Variants in NFS1 observed in about 807,000 individuals in gnomAD.
The protein encoded by NFS1 is NFS1 cysteine desulfurase.
NFS1 carries 26 observed loss-of-function variants against 57.3 expected under a neutral mutation model. The ratio of observed to expected loss-of-function variants is 0.45; its 90% CI spans 0.33 to 0.63. The LOEUF is 0.63. Ranked by LOEUF, NFS1 falls within the 20% of genes least tolerant of loss-of-function variation. The probability of loss-of-function intolerance (pLI) is 0.02; values close to 1 mark genes in which losing one functional copy is unlikely to be tolerated. For missense variants in NFS1, 505 were observed against 605.8 expected, an observed-to-expected ratio of 0.83 and a Z score of 1.75; for synonymous variants, 209 against 216.3, an observed-to-expected ratio of 0.97 and a Z score of 0.30.
intron 5 of NFS1, among the ~76,000 whole-genome samples, chr20:35,687,538 C>G (rs1275890423): frequency 1.1e-4 from 17 of 152,148 alleles, no homozygotes; most frequent in Admixed American, 1.0e-3. Context: ...CTTACCCTGC[C>G]CCTTTGTCTT....
intron 5 of NFS1, among the ~76,000 whole-genome samples, chr20:35,688,508 GA>G (rs2034984171): frequency 6.6e-6 from 1 of 152,170 alleles, no homozygotes; most frequent in Non-Finnish European, 1.5e-5. Flanking sequence ...AGTGAGCCAA[GA>G]TCGTGCCACT....
At chr20:35,679,337 C>T (rs1309243713) in intron 7 of NFS1, among the ~76,000 whole-genome samples, 6 of 152,120 alleles carry the variant, frequency 3.9e-5, no homozygotes, top group African/African-American at 1.4e-4. Flanking sequence ...GCACATGCCA[C>T]CACACCCGGC....
Position 35,669,572 on chromosome 20 carries a change from T to G in NFS1, c.*50A>C. The G allele has an allele frequency of 6.4e-7, 1 of 1,555,892 alleles. No individual in the cohort carries two copies. The highest frequency in any genetic ancestry group is 8.9e-7 in the Non-Finnish European group (1 of 1,127,108). On this transcript the variant is annotated 3_prime_UTR_variant, in exon 13 of 13. Transcript: ENST00000374092. ...AACAAGGTGTCTGGTTGTGCACGGG[T>G]TGGTGAGGCAGGAGGGGCCAGACCA...
At chr20:35,683,790 C>CAAAAAA (rs151037025) in intron 5 of NFS1, among the ~76,000 whole-genome samples, 4 of 53,968 alleles carry the variant, frequency 7.4e-5, no homozygotes, top group South Asian at 6.7e-4. Context: ...GACTCCATCT[C>CAAAAAA]AAAAAAAAAA....
chr20:35,683,034 C>A (rs962469771), intron 5 of NFS1, among the ~76,000 whole-genome samples: 1 of 151,526 alleles, frequency 6.6e-6, no homozygotes, highest in Non-Finnish European at 1.5e-5. Flanking sequence ...GCGGAGATCA[C>A]ACCACTGCAC....
At chr20:35,673,818 C>G (rs1201103984) in intron 10 of NFS1, 134 bp from the exon 11 acceptor site, 1 of 637,826 alleles carries the variant, frequency 1.6e-6, no homozygotes, top group Non-Finnish European at 2.8e-6. Context: ...TCTAATCTGG[C>G]AGAACTAAAG....
intron 1 of NFS1, chr20:35,698,960 T>C: frequency 2.3e-6 from 3 of 1,318,828 alleles, no homozygotes; most frequent in Middle Eastern, 5.6e-4. Flanking sequence ...AGGAGCGGTC[T>C]GAAGGACGCG....
At position 35,672,746 on chromosome 20, in the gene NFS1, T is replaced by C. The variant is rs148802600; in HGVS notation, c.1310+9A>G. 73 of 1,574,774 alleles carry C rather than the reference T, an allele frequency of 4.6e-5. No individual in the cohort carries two copies. In the African/African-American group the frequency reaches 8.5e-4, roughly 18 times the overall value. ...TTCTTCCAAAGCGTCTCTGATACAA[T>C]ATGTATACCTCATTTCTCGAAGACG... On this transcript the variant is annotated intron_variant, in intron 12 of 12. Coordinates refer to ENST00000374092, the MANE Select transcript of NFS1 (RefSeq NM_021100.5).
chr20:35,698,403 G>A, intron 2 of NFS1, 78 bp downstream of exon 2: 1 of 1,113,640 alleles, frequency 9.0e-7, no homozygotes, highest in East Asian at 2.5e-5. Context: ...ACTTCTCCAG[G>A]GATTCAGCCA....
chr20:35,688,776 G>A (rs1001947957), intron 5 of NFS1, among the ~76,000 whole-genome samples: 1 of 151,428 alleles, frequency 6.6e-6, no homozygotes, highest in African/African-American at 2.4e-5. Context: ...AGGGAAAAGA[G>A]GGAGAAAGGA....
rs2034694265 is a variant in NFS1, at chr20:35,673,668, A to T, written c.1153T>A (p.Ser385Thr). ...LSSGSACTSA[S>T]LEPSYVLRAI... is the part of the protein sequence containing the mutation. ...CTAAGCACATAAGAGGGCTCCAGGG[A>T]TGCAGAGGTGCAGGCACTGAGGAGA... The change falls in exon 11 of 13, where the codon TCC becomes ACC. Residue 385 changes from serine (S) to threonine (T), a missense_variant. Ser to Thr is a moderately conservative substitution (Grantham distance 58). Transcript: ENST00000374092. The T allele has an allele frequency of 6.2e-7, 1 of 1,613,758 alleles. No homozygotes were observed. The highest frequency in any genetic ancestry group is 1.7e-5 in the Admixed American group (1 of 59,992).
intron 7 of NFS1, chr20:35,676,097 C>G (rs1296317995): frequency 6.6e-6 from 1 of 151,868 alleles, no homozygotes; most frequent in African/African-American, 2.4e-5. Flanking sequence ...ACCAGCCTGA[C>G]CAACATGGAG....
At chr20:35,680,923 C>A in intron 6 of NFS1, 52 bp from the exon 7 acceptor site, 1 of 1,391,022 alleles carries the variant, frequency 7.2e-7, no homozygotes, top group Admixed American at 2.8e-5. Context: ...AGTCATCTGT[C>A]AGAGTCCCAC....
intron 5 of NFS1, among the ~76,000 whole-genome samples, chr20:35,684,574 AC>A (rs2034907747): frequency 1.3e-5 from 2 of 151,362 alleles, no homozygotes; most frequent in Admixed American, 6.6e-5. Flanking sequence ...ACATGGTGAA[AC>A]CCTGTCTCTA....
intron 4 of NFS1, among the ~76,000 whole-genome samples, chr20:35,695,207 C>G (rs143978264): frequency 6.6e-6 from 1 of 152,166 alleles, no homozygotes; most frequent in South Asian, 2.1e-4. Flanking sequence ...TTTGGAGGAA[C>G]CTTCACCCCG....
At chr20:35,672,486 G>T (rs1438976637) in intron 12 of NFS1, among the ~76,000 whole-genome samples, 5 of 152,114 alleles carry the variant, frequency 3.3e-5, no homozygotes, top group African/African-American at 9.7e-5. Context: ...TCTGACCTCA[G>T]GTGATCTGTC....
chr20:35,698,889 T>C lies in NFS1; in HGVS notation c.98-299A>G, dbSNP rs535512424. Reference sequence around the variant, plus strand: ...GAACGTGGAGCCAGAGTAGGTGCAGTCCCTTCTGACCGAAGGTAACGGTCT... The same window carrying C: ...GAACGTGGAGCCAGAGTAGGTGCAGCCCCTTCTGACCGAAGGTAACGGTCT... On this transcript the variant is annotated intron_variant, in intron 1 of 12. Coordinates refer to ENST00000374092, the MANE Select transcript of NFS1 (RefSeq NM_021100.5). 9.0e-6 allele frequency: 12 copies of C among 1,331,142 alleles called. No individual in the cohort carries two copies. The African/African-American group carries it at 1.2e-4, about 14-fold the overall frequency. The allele number at this position is 1,331,142 out of a possible 1,614,324, so 82.5% of individuals were successfully genotyped here. A position where few individuals can be genotyped will look rare whatever the true frequency, so the allele number is the denominator to read the frequency against.
chr20:35,675,412 G>A, intron 7 of NFS1: 1 of 617,638 alleles, frequency 1.6e-6, no homozygotes, highest in South Asian at 2.1e-5. Context: ...GCCAGAAGGA[G>A]TAATGATCAA....
Position 35,678,350 on chromosome 20 carries a change from G to A in NFS1, c.790+2387C>T, listed in dbSNP as rs1253999354. ...AGGCTGGGTGACAGAGCGAGACTCC[G>A]TCTCAAAAAATAAAATAAAATACAA... On this transcript the variant is annotated intron_variant, in intron 7 of 12. Coordinates refer to ENST00000374092, the MANE Select transcript of NFS1 (RefSeq NM_021100.5). Among the ~76,000 whole-genome samples, 5 of 151,544 alleles carry A rather than the reference G, an allele frequency of 3.3e-5. No individual in the cohort carries two copies. In the East Asian group the frequency reaches 5.8e-4, roughly 18 times the overall value.
Sources: gnomAD v4.1 joint callset for allele counts (sites outside exome capture counted in the v4.1 genomes callset) on GRCh38, gnomAD v4.1.1 for gene constraint, MANE v1.5 for transcripts, NCBI Gene and HGNC (gene_info 2026-07-23, HGNC 2026-07-21) for gene names.